The following DOCK7 variants were observed in gnomAD, a reference collection of about 807,000 sequenced individuals.
DOCK7 encodes dedicator of cytokinesis protein 7.
In DOCK7, 138 loss-of-function variants were observed where a neutral mutation model predicts 271.0. That is an observed-to-expected ratio of 0.51 (90% confidence interval 0.44 to 0.59). DOCK7 has a LOEUF of 0.59. DOCK7 is among the 20% of genes least tolerant of loss of function. DOCK7 has a pLI of 0.00. For missense variants in DOCK7, 2,066 were observed against 2,592.4 expected, an observed-to-expected ratio of 0.80 and a Z score of 4.41; for synonymous variants, 823 against 876.1, an observed-to-expected ratio of 0.94 and a Z score of 1.07.
intron 26 of DOCK7, 43 bp from the exon 27 acceptor site, chr1:62,539,701 A>G (rs372578672): frequency 1.1e-5 from 17 of 1,611,076 alleles, no homozygotes; most frequent in Non-Finnish European, 1.4e-5. Flanking sequence ...AAAGTATGAT[A>G]GCTTAATCTG....
intron 7 of DOCK7, among the ~76,000 whole-genome samples, chr1:62,637,427 A>T (rs952090550): frequency 6.6e-6 from 1 of 152,196 alleles, no homozygotes; most frequent in African/African-American, 2.4e-5. Context: ...CCCCAAGGGA[A>T]CATTTGGCAA....
intron 12 of DOCK7, among the ~76,000 whole-genome samples, chr1:62,620,762 C>T (rs1435083687): frequency 6.6e-6 from 1 of 150,868 alleles, no homozygotes; most frequent in Non-Finnish European, 1.5e-5. Flanking sequence ...CAGGCGCCTG[C>T]AGTCCCAGCT....
chr1:62,545,779 AT>A (rs983204798), intron 22 of DOCK7, among the ~76,000 whole-genome samples: 4 of 152,262 alleles, frequency 2.6e-5, no homozygotes, highest in Admixed American at 6.5e-5. Context: ...CCAGAAGTTA[AT>A]TTATGTTTAT....
chr1:62,608,178 G>C (rs750210612), intron 14 of DOCK7: 1 of 152,092 alleles, frequency 6.6e-6, no homozygotes, highest in Admixed American at 6.6e-5. Flanking sequence ...GAACTTGCAC[G>C]TCCCATATAG....
chr1:62,547,303 C>T lies in DOCK7; in HGVS notation c.2767-2264G>A, dbSNP rs576788854. Among the ~76,000 whole-genome samples, 6 of 152,302 alleles carry T rather than the reference C, an allele frequency of 3.9e-5. No individual in the cohort carries two copies. The East Asian group carries it at 9.6e-4, about 24-fold the overall frequency. On this transcript the variant is annotated intron_variant, in intron 22 of 49. Transcript: ENST00000635253. ...GCTAAGAGTTATATCAAACAGCCCA[C>T]ATTTAAGCAAACTCATCACTTATAT...
At position 62,539,840 on chromosome 1, in the gene DOCK7, C is replaced by T. The variant is rs1413099334; in HGVS notation, c.3098G>A (p.Arg1033Lys). 2 of 1,613,430 alleles carry T rather than the reference C, an allele frequency of 1.2e-6. No homozygotes were observed. Among genetic ancestry groups the T allele is most frequent in the Non-Finnish European group, 1.7e-6 (2 of 1,179,754 alleles). ...LYFNDKLEAP[R>K]KSRFPERFMD... ...GAAACGTTCTGGAAAACGACTTTTC[C>T]TTGGAGCCTCAAGTTTATCATTAAA... Residue 1033 changes from arginine to lysine, a missense_variant, in exon 26 of 50, where the codon AGG (arginine) becomes AAG (lysine). Around this residue, in one of 2 missense-constraint regions of DOCK7, gnomAD observed 1,414 missense variants for 1,670.4 expected, o/e 0.85. Coordinates refer to ENST00000635253, the MANE Select transcript of DOCK7 (RefSeq NM_001367561.1).
At chr1:62,639,430 T>TTG (rs1187662724) in intron 7 of DOCK7, among the ~76,000 whole-genome samples, 3 of 124,512 alleles carry the variant, frequency 2.4e-5, no homozygotes, top group African/African-American at 3.5e-5. Context: ...AATACTCTTT[T>TTG]TTTTTTTTTT....
At chr1:62,610,611 C>G (rs908494728) in intron 14 of DOCK7, among the ~76,000 whole-genome samples, 1 of 152,032 alleles carries the variant, frequency 6.6e-6, no homozygotes, top group South Asian at 2.1e-4. Context: ...TGCTATCCCT[C>G]CCCTAGCCCC....
At chr1:62,661,271 AG>A (rs1448956709) in intron 2 of DOCK7, among the ~76,000 whole-genome samples, 2 of 152,204 alleles carry the variant, frequency 1.3e-5, no homozygotes, top group East Asian at 3.9e-4. Context: ...GGAGTTGGGA[AG>A]GGGGGAAAAT....
chr1:62,510,791 C>G, intron 33 of DOCK7, 118 bp from the exon 34 acceptor site: 1 of 708,370 alleles, frequency 1.4e-6, no homozygotes, highest in East Asian at 2.9e-5. Flanking sequence ...ATTTTATCCT[C>G]AGTACAAGTT....
At chr1:62,598,675 C>CAACCT (rs759338676) in intron 14 of DOCK7, 1 of 1,407,378 alleles carries the variant, frequency 7.1e-7, no homozygotes, top group South Asian at 1.2e-5. Flanking sequence ...AACTTATAAC[C>CAACCT]AACCTACTCT....
intron 16 of DOCK7, 120 bp downstream of exon 16, chr1:62,583,064 A>C: frequency 2.7e-6 from 2 of 729,610 alleles, no homozygotes; most frequent in South Asian, 2.1e-5. Flanking sequence ...TATAACTCTG[A>C]TGTCAGCCTT....
chr1:62,555,751 T>C (rs2149432261), intron 21 of DOCK7, 74 bp downstream of exon 21: 6 of 1,498,252 alleles, frequency 4.0e-6, no homozygotes, highest in Middle Eastern at 1.8e-4. Flanking sequence ...CAGTATGGAC[T>C]ACAAAATTAT....
intron 9 of DOCK7, chr1:62,634,527 C>T: frequency 3.6e-6 from 1 of 280,270 alleles, no homozygotes; most frequent in Non-Finnish European, 6.5e-6. Context: ...TTATAAACTA[C>T]AATAATCAAA....
rs181452771 is a variant in DOCK7, at chr1:62,578,705, G to C, written c.2010+123C>G. 1.1e-3 allele frequency: 1,004 copies of C among 942,550 alleles called. 17 individuals carry two copies. In the African/African-American group the frequency reaches 0.021, roughly 20 times the overall value. 58.4% of individuals were successfully genotyped at this position (942,550 alleles called of 1,614,324 possible). ...CCACTGCACTCCAGCCTGGGAGACA[G>C]AGACTCTGTCTCAAAAAAAAAAAAA... On this transcript the variant is annotated intron_variant, in intron 17 of 49. Coordinates refer to ENST00000635253, the MANE Select transcript of DOCK7 (RefSeq NM_001367561.1).
chr1:62,634,960 C>T (rs1441371746), intron 8 of DOCK7, 38 bp from the exon 9 acceptor site: 4 of 1,418,330 alleles, frequency 2.8e-6, no homozygotes, highest in African/African-American at 1.4e-5. Flanking sequence ...AAAATATGTA[C>T]ATTTTACAGT....
chr1:62,645,689 GTACACTGAATA>G (rs1383674127), intron 7 of DOCK7, among the ~76,000 whole-genome samples: 1 of 152,156 alleles, frequency 6.6e-6, no homozygotes, highest in Non-Finnish European at 1.5e-5. Context: ...CTGGTGAACT[GTACACTGAATA>G]TACACTGAGT....
At chr1:62,512,005 G>C (rs1363274449) in intron 33 of DOCK7, among the ~76,000 whole-genome samples, 1 of 152,064 alleles carries the variant, frequency 6.6e-6, no homozygotes, top group Non-Finnish European at 1.5e-5. Flanking sequence ...TATAAGACAA[G>C]AAGACTTCAA....
chr1:62,604,263 T>C (rs1485373121), intron 14 of DOCK7: 2 of 1,609,504 alleles, frequency 1.2e-6, no homozygotes, highest in Non-Finnish European at 1.7e-6. Context: ...CAATACTTTA[T>C]TTTCATATCT....
Sources: allele counts gnomAD v4.1 joint callset (sites outside exome capture counted in the v4.1 genomes callset), GRCh38; gene constraint gnomAD v4.1.1; regional missense constraint gnomAD v4.1.1; transcripts MANE v1.5; gene names NCBI Gene and HGNC (gene_info 2026-07-23, HGNC 2026-07-21).